The following RER1 variants were observed in gnomAD, a reference collection of about 807,000 sequenced individuals.
RER1 encodes the protein retention in endoplasmic reticulum sorting receptor 1.
A neutral mutation model predicts 28.3 loss-of-function variants in RER1; 6 were observed. That is an observed-to-expected ratio of 0.21 (90% CI 0.12 to 0.42). The LOEUF is 0.42. RER1 is among the 10% of genes least tolerant of loss of function. The probability of loss-of-function intolerance (pLI) is 1.00; values close to 1 mark genes in which losing one functional copy is unlikely to be tolerated. For missense variants in RER1, 159 were observed against 252.9 expected (o/e 0.63, Z 2.52); for synonymous variants, 110 against 95.9 (o/e 1.15, Z -0.86).
intron 1 of RER1, among the ~76,000 whole-genome samples, chr1:2,392,560 C>T (rs886767365): frequency 6.6e-6 from 1 of 152,204 alleles, no homozygotes; most frequent in Non-Finnish European, 1.5e-5. Context: ...GTTTCTCTGC[C>T]AGGTGTCTCA....
chr1:2,400,115 C>G (rs527237082), intron 4 of RER1, among the ~76,000 whole-genome samples: 1 of 152,318 alleles, frequency 6.6e-6, no homozygotes, highest in Admixed American at 6.5e-5. Context: ...GCCTGACTGG[C>G]CAGCCCCAGG....
intron 6 of RER1, 32 bp downstream of exon 6, chr1:2,402,374 G>A (rs1332382632): frequency 1.3e-5 from 21 of 1,613,322 alleles, no homozygotes; most frequent in South Asian, 5.5e-5. Flanking sequence ...CACGCCGGCC[G>A]CAATCGCTGT....
intron 5 of RER1, among the ~76,000 whole-genome samples, chr1:2,401,257 CCCTCCTCCACCCTCCCTCCTCCCT>C (rs1642847895): frequency 8.3e-6 from 1 of 120,344 alleles, no homozygotes; most frequent in African/African-American, 3.1e-5. Flanking sequence ...CCTCCTTCCT[CCCTCCTCCACCCTCCCTCCTCCCT>C]CCTCCTTCCT....
chr1:2,400,071 G>A (rs1362293374), intron 4 of RER1, among the ~76,000 whole-genome samples: 1 of 152,200 alleles, frequency 6.6e-6, no homozygotes, highest in Non-Finnish European at 1.5e-5. Flanking sequence ...CAGCTCCTGG[G>A]CCTGCCTGGG....
chr1:2,400,985 T>TG (rs1373555877), intron 5 of RER1, 50 bp downstream of exon 5: 1 of 1,442,282 alleles, frequency 6.9e-7, no homozygotes, highest in South Asian at 1.1e-5. Context: ...CAAGGGTGGC[T>TG]GAGACTGAGA....
Position 2,397,097 on chromosome 1 carries a change from T to C in RER1, c.82-19T>C. ...AGTTACAGGACCTGCTTCATGCTTT[T>C]GGACTCTTGTCTTTCTAGATTTATC... On this transcript the variant is annotated intron_variant, in intron 2 of 6. Coordinates refer to ENST00000605895, the MANE Select transcript of RER1 (RefSeq NM_007033.5). 6.4e-7 allele frequency: 1 copy of C among 1,553,798 alleles called. No individual in the cohort carries two copies. Among genetic ancestry groups the C allele is most frequent in the Non-Finnish European group, 8.9e-7 (1 of 1,125,570 alleles).
rs1209345866 is a variant in RER1, at chr1:2,404,894, G to A, written c.*1770G>A. ...AGGTTAAATGCAGTTTTGAAAACCT[G>A]GAAACATCAAATGGAGGCGGGAAAT... On this transcript the variant is annotated 3_prime_UTR_variant, in exon 7 of 7. Coordinates refer to ENST00000605895, the MANE Select transcript of RER1 (RefSeq NM_007033.5). 1.3e-5 allele frequency: 2 copies of A among 152,820 alleles called. No homozygotes were observed. Among genetic ancestry groups the A allele is most frequent in the African/African-American group, 4.8e-5 (2 of 41,466 alleles). The allele number at this position is 152,820 out of a possible 1,614,324, so 9.5% of individuals were successfully genotyped here.
chr1:2,401,267 C>CCTCCCTCCTCCTT (rs1557903757), intron 5 of RER1, among the ~76,000 whole-genome samples: 1 of 29,174 alleles, frequency 3.4e-5, no homozygotes, highest in Non-Finnish European at 7.3e-5. Context: ...CCCTCCTCCA[C>CCTCCCTCCTCCTT]CCTCCCTCCT....
intron 2 of RER1, among the ~76,000 whole-genome samples, chr1:2,396,529 A>G (rs913025203): frequency 6.6e-6 from 1 of 152,272 alleles, no homozygotes; most frequent in Non-Finnish European, 1.5e-5. Flanking sequence ...GAAATTTCTC[A>G]CAATTTGAAA....
At position 2,403,526 on chromosome 1, in the gene RER1, C is replaced by G; in HGVS notation, c.*402C>G. The stretch of plus-strand genomic sequence containing the variant: ...CAGCCGCAGGTGGTGCCAGCCACTC[C>G]ACAGAGCCCGAGGGATGATCTAGCC... On this transcript the variant is annotated 3_prime_UTR_variant, in exon 7 of 7. Transcript: ENST00000605895. 2 of 279,218 alleles carry G rather than the reference C, an allele frequency of 7.2e-6. No homozygotes were observed. Among genetic ancestry groups the G allele is most frequent in the Non-Finnish European group, 1.4e-5 (2 of 142,306 alleles). 17.3% of individuals were successfully genotyped at this position (279,218 alleles called of 1,614,324 possible). A position where few individuals can be genotyped will look rare whatever the true frequency, so the allele number is the denominator to read the frequency against.
intron 6 of RER1, 86 bp from the exon 7 acceptor site, chr1:2,402,949 G>C: frequency 9.2e-7 from 1 of 1,088,022 alleles, no homozygotes; most frequent in Non-Finnish European, 1.4e-6. Context: ...GAAAAGATGG[G>C]GGACCTTTGG....
At chr1:2,402,168 G>A in intron 5 of RER1, 39 bp from the exon 6 acceptor site, 1 of 1,614,050 alleles carries the variant, frequency 6.2e-7, no homozygotes, top group Non-Finnish European at 8.5e-7. Context: ...CCCGGTGCTG[G>A]CTGCAGATGC....
At chr1:2,397,265 C>T (rs1302067083) in intron 3 of RER1, 45 bp downstream of exon 3, 6 of 1,301,860 alleles carry the variant, frequency 4.6e-6, no homozygotes, top group Non-Finnish European at 6.7e-6. Flanking sequence ...GTCCACGTTA[C>T]CTGGGCGTGA....
At chr1:2,397,957 C>T (rs1442282996) in intron 3 of RER1, among the ~76,000 whole-genome samples, 1 of 151,946 alleles carries the variant, frequency 6.6e-6, no homozygotes, top group Non-Finnish European at 1.5e-5. Flanking sequence ...GAAGATACTT[C>T]CTTGTTTAAA....
rs1642906260 is a variant in RER1, at chr1:2,403,513, G to A, written c.*389G>A. 1 of 286,886 alleles carries A rather than the reference G, an allele frequency of 3.5e-6. No individual in the cohort carries two copies. Among genetic ancestry groups the A allele is most frequent in the Non-Finnish European group, 6.8e-6 (1 of 146,874 alleles). 17.8% of individuals were successfully genotyped at this position (286,886 alleles called of 1,614,324 possible). ...CCGCCTTCCCCAGCAGCCGCAGGTG[G>A]TGCCAGCCACTCCACAGAGCCCGAG... On this transcript the variant is annotated 3_prime_UTR_variant, in exon 7 of 7. Coordinates refer to ENST00000605895, the MANE Select transcript of RER1 (RefSeq NM_007033.5).
chr1:2,401,249 T>TCC (rs1211040674), intron 5 of RER1, among the ~76,000 whole-genome samples: 1 of 38,388 alleles, frequency 2.6e-5, no homozygotes, highest in African/African-American at 8.1e-5. Context: ...CCTTCCTCCC[T>TCC]CCTTCCTCCC....
chr1:2,393,536 C>T (rs1230591686), intron 1 of RER1, among the ~76,000 whole-genome samples: 2 of 152,188 alleles, frequency 1.3e-5, no homozygotes, highest in East Asian at 1.9e-4. Context: ...ACAGGGCTGG[C>T]ACTGCCTTGC....
At chr1:2,394,130 C>T (rs771699753) in intron 1 of RER1, 5 of 152,322 alleles carry the variant, frequency 3.3e-5, no homozygotes, top group Middle Eastern at 3.4e-3. Flanking sequence ...CCAGGTGACA[C>T]ATTTTAGTGT....
At chr1:2,401,235 C>A (rs1570083306) in intron 5 of RER1, among the ~76,000 whole-genome samples, 1 of 110,134 alleles carries the variant, frequency 9.1e-6, no homozygotes, top group Non-Finnish European at 2.0e-5. Context: ...CTCCCTTCCT[C>A]CCTCCTTCCT....
Sources: gnomAD v4.1 joint callset for allele counts (sites outside exome capture counted in the v4.1 genomes callset) on GRCh38, gnomAD v4.1.1 for gene constraint, MANE v1.5 for transcripts, NCBI Gene and HGNC (gene_info 2026-07-23, HGNC 2026-07-21) for gene names.